KLF12: variants seen among roughly 807,000 people sequenced by gnomAD.
The protein encoded by KLF12 is KLF transcription factor 12, also known as Krueppel-like factor 12.
KLF12 carries 9 observed loss-of-function variants against 37.8 expected under a neutral mutation model. That is an observed-to-expected ratio of 0.24 (90% CI 0.14 to 0.42). The LOEUF is 0.42. Among genes scored for constraint, KLF12 ranks in the 10% least tolerant of loss-of-function variants. The probability of loss-of-function intolerance (pLI) is 1.00; values close to 1 mark genes in which losing one functional copy is unlikely to be tolerated. For synonymous variants in KLF12, 208 were observed against 202.1 expected, an observed-to-expected ratio of 1.03 and a Z score of -0.25; for missense variants, 411 against 516.0, an observed-to-expected ratio of 0.80 and a Z score of 1.97.
At chr13:73,858,928 A>G (rs767997816) in intron 3 of KLF12, among the ~76,000 whole-genome samples, 12 of 152,244 alleles carry the variant, frequency 7.9e-5, no homozygotes, top group Non-Finnish European at 1.5e-4. Context: ...AGACTGTGAA[A>G]TCAATTTTAA....
intron 1 of KLF12, among the ~76,000 whole-genome samples, chr13:74,092,085 C>T (rs972072705): frequency 4.0e-5 from 6 of 149,788 alleles, no homozygotes; most frequent in African/African-American, 1.5e-4. Flanking sequence ...GTCAAGAGAT[C>T]GAGACCATCC....
chr13:73,964,513 T>C (rs1349984502), intron 2 of KLF12, among the ~76,000 whole-genome samples: 1 of 151,244 alleles, frequency 6.6e-6, no homozygotes, highest in African/African-American at 2.4e-5. Flanking sequence ...CTCATGCCTG[T>C]AATCCCAGCA....
chr13:74,215,427 CTTT>C, the KLF12 span, among the ~76,000 whole-genome samples: 9 of 60,380 alleles, frequency 1.5e-4, no homozygotes, highest in African/African-American at 5.2e-4. Context: ...CCTCTGGGTT[CTTT>C]TTTTTTTTTT....
chr13:74,173,702 G>A, the KLF12 span, among the ~76,000 whole-genome samples: 6 of 152,150 alleles, frequency 3.9e-5, no homozygotes, highest in African/African-American at 1.4e-4. Flanking sequence ...AATTCCTGTT[G>A]GGGTTTGAGA....
intron 5 of KLF12, among the ~76,000 whole-genome samples, chr13:73,809,385 AAG>A (rs1048025416): frequency 2.0e-5 from 3 of 152,164 alleles, no homozygotes; most frequent in African/African-American, 7.2e-5. Flanking sequence ...AAAAAGAAGA[AAG>A]AGAAATTAAT....
chr13:74,039,961 C>CATG (rs1449640906), intron 1 of KLF12, among the ~76,000 whole-genome samples: 3 of 152,178 alleles, frequency 2.0e-5, no homozygotes, highest in Admixed American at 2.0e-4. Flanking sequence ...GCTCGAACAC[C>CATG]AACTCATGGA....
At chr13:74,014,007 C>T (rs1002886221) in intron 1 of KLF12, among the ~76,000 whole-genome samples, 10 of 152,224 alleles carry the variant, frequency 6.6e-5, no homozygotes, top group Middle Eastern at 3.4e-3. Flanking sequence ...AAACACTCAC[C>T]TGGAATTATT....
At chr13:74,043,548 G>A (rs1893465349) in intron 1 of KLF12, among the ~76,000 whole-genome samples, 1 of 152,156 alleles carries the variant, frequency 6.6e-6, no homozygotes, top group South Asian at 2.1e-4. Flanking sequence ...AAAATGTAAT[G>A]AATCAGGATT....
chr13:74,137,343 C>T (rs1384605172), upstream of KLF12, among the ~76,000 whole-genome samples: 1 of 152,180 alleles, frequency 6.6e-6, no homozygotes, highest in Non-Finnish European at 1.5e-5. Flanking sequence ...GAATCCAATA[C>T]TATGTGGCTT....
At chr13:74,034,846 T>C (rs556355889) in intron 1 of KLF12, among the ~76,000 whole-genome samples, 1 of 152,382 alleles carries the variant, frequency 6.6e-6, no homozygotes, top group African/African-American at 2.4e-5. Context: ...TAGAATACTA[T>C]AAAAAGGCCC....
At chr13:74,250,972 C>T in the KLF12 span, among the ~76,000 whole-genome samples, 2 of 152,160 alleles carry the variant, frequency 1.3e-5, no homozygotes, top group Non-Finnish European at 2.9e-5. Context: ...TCAAGGGAGC[C>T]CAGGATCTCC....
intron 1 of KLF12, among the ~76,000 whole-genome samples, chr13:74,036,856 C>T (rs1007957693): frequency 6.6e-6 from 1 of 152,194 alleles, no homozygotes; most frequent in Non-Finnish European, 1.5e-5. Context: ...AATTTATAAA[C>T]CAAGTGTAAA....
intron 3 of KLF12, among the ~76,000 whole-genome samples, chr13:73,914,779 G>A (rs1888738984): frequency 6.6e-6 from 1 of 152,124 alleles, no homozygotes; most frequent in South Asian, 2.1e-4. Context: ...GTGATGGGCA[G>A]GGGAACTATG....
At chr13:74,223,703 CAT>C in the KLF12 span, among the ~76,000 whole-genome samples, 1 of 152,164 alleles carries the variant, frequency 6.6e-6, no homozygotes, top group Admixed American at 6.5e-5. Flanking sequence ...TCAATATTAA[CAT>C]ATTTCTATTG....
At chr13:73,747,623 T>A (rs1228721768) in intron 6 of KLF12, among the ~76,000 whole-genome samples, 1 of 152,168 alleles carries the variant, frequency 6.6e-6, no homozygotes, top group Non-Finnish European at 1.5e-5. Flanking sequence ...AGTCAACACT[T>A]ATTTATTGCG....
At chr13:74,024,074 C>CA (rs1312724520) in intron 1 of KLF12, among the ~76,000 whole-genome samples, 3 of 152,194 alleles carry the variant, frequency 2.0e-5, no homozygotes, top group Non-Finnish European at 4.4e-5. Flanking sequence ...TTTATACTGT[C>CA]AGAGCTACAG....
rs1946655821 is a variant in KLF12 at position 74,073,010 on chromosome 13, TGTGA to T, written c.-32+60725_-32+60728del. Among the ~76,000 whole-genome samples, 3 of 152,172 alleles carry T rather than the reference TGTGA, an allele frequency of 2.0e-5. No homozygotes were observed. In the South Asian group the frequency reaches 6.2e-4, roughly 32 times the overall value. On this transcript the variant is annotated intron_variant, in intron 1 of 7. Transcript: ENST00000377669. ...GTTCTTCCCACGCTGTTCTCATGAT[TGTGA>T]GTGTCTCATGAGATTTAATGGTTTT...
chr13:74,299,381 T>C, the KLF12 span, among the ~76,000 whole-genome samples: 8 of 152,318 alleles, frequency 5.3e-5, no homozygotes, highest in East Asian at 1.4e-3. Flanking sequence ...TTTCACCCTA[T>C]ATATGCTTTC....
At chr13:74,010,913 CA>C (rs1892534463) in intron 1 of KLF12, among the ~76,000 whole-genome samples, 1 of 152,146 alleles carries the variant, frequency 6.6e-6, no homozygotes, top group Non-Finnish European at 1.5e-5. Context: ...CTAAAACATA[CA>C]AAGGAACAGA....
Sources: gnomAD v4.1 joint callset for allele counts (sites outside exome capture counted in the v4.1 genomes callset) on GRCh38, gnomAD v4.1.1 for gene constraint, MANE v1.5 for transcripts, NCBI Gene and HGNC (gene_info 2026-07-23, HGNC 2026-07-21) for gene names.